Variants in DYNLT5 observed in about 807,000 individuals in gnomAD.
DYNLT5 encodes dynein light chain Tctex-type 5.
In DYNLT5, 25 loss-of-function variants were observed where a neutral mutation model predicts 19.3. That is an observed-to-expected ratio of 1.30 (90% confidence interval 0.95 to 1.81). The LOEUF is 1.81. DYNLT5 is among the 40% of genes most tolerant of loss of function. The pLI, the probability that DYNLT5 is intolerant of heterozygous loss-of-function variation, is 0.00. For synonymous variants in DYNLT5, 82 were observed against 68.9 expected (o/e 1.19, Z -0.94); for missense variants, 232 against 217.9 (o/e 1.06, Z -0.41).
intron 1 of DYNLT5, among the ~76,000 whole-genome samples, chr1:66,754,435 A>G (rs2094632459): frequency 6.6e-6 from 1 of 152,212 alleles, no homozygotes; most frequent in East Asian, 1.9e-4. Flanking sequence ...TATGTAAATA[A>G]TTATACTATT....
At chr1:66,765,425 G>T (rs755015525) in intron 2 of DYNLT5, among the ~76,000 whole-genome samples, 4 of 152,018 alleles carry the variant, frequency 2.6e-5, no homozygotes, top group Non-Finnish European at 5.9e-5. Flanking sequence ...AAAACGTATG[G>T]AAATGAGTTC....
chr1:66,775,924 GGTA>G (rs1182935087), intron 3 of DYNLT5, among the ~76,000 whole-genome samples: 1 of 152,082 alleles, frequency 6.6e-6, no homozygotes, highest in African/African-American at 2.4e-5. Context: ...TTTAAGATCT[GGTA>G]GATAGATTGG....
At chr1:66,769,706 G>A (rs934330206) in intron 2 of DYNLT5, among the ~76,000 whole-genome samples, 42 of 152,268 alleles carry the variant, frequency 2.8e-4, no homozygotes, top group African/African-American at 9.6e-4. Context: ...GTGCTGGAGA[G>A]ACAGTGGGGC....
At chr1:66,759,292 A>G (rs1299305798) in intron 2 of DYNLT5, among the ~76,000 whole-genome samples, 1 of 152,188 alleles carries the variant, frequency 6.6e-6, no homozygotes, top group Non-Finnish European at 1.5e-5. Flanking sequence ...GAAGACCAAA[A>G]TGTGGGAATC....
At chr1:66,755,922 TAA>T (rs1436631868) in intron 2 of DYNLT5, 2 of 152,240 alleles carry the variant, frequency 1.3e-5, no homozygotes, top group Non-Finnish European at 2.9e-5. Context: ...ACTATTTAAG[TAA>T]TAGTCTGACA....
At chr1:66,756,675 A>G (rs925917226) in intron 2 of DYNLT5, among the ~76,000 whole-genome samples, 3 of 152,354 alleles carry the variant, frequency 2.0e-5, no homozygotes, top group African/African-American at 4.8e-5. Context: ...TGAAATAACT[A>G]AAGTTTACAG....
chr1:66,754,642 G>A lies in DYNLT5; in HGVS notation c.-3-14G>A. 1.3e-6 allele frequency: 2 copies of A among 1,586,616 alleles called. No individual in the cohort carries two copies. The highest frequency in any genetic ancestry group is 1.7e-6 in the Non-Finnish European group (2 of 1,170,252). On this transcript the variant is annotated splice_polypyrimidine_tract_variant and intron_variant, in intron 1 of 4. Transcript: ENST00000282670. Reference sequence around the variant, plus strand: ...ATCTTTCTTTTGCTATTTTACAAAAGTCTTCTTCCATAGGTTATGATGATG... The same window carrying A: ...ATCTTTCTTTTGCTATTTTACAAAAATCTTCTTCCATAGGTTATGATGATG...
chr1:66,771,238 C>T (rs1645202845), intron 3 of DYNLT5, among the ~76,000 whole-genome samples: 1 of 152,234 alleles, frequency 6.6e-6, no homozygotes, highest in Non-Finnish European at 1.5e-5. Flanking sequence ...GTCCCCAAGA[C>T]TACATGGATT....
At chr1:66,757,942 C>CAAGAAAAAAAAA (rs1166282470) in intron 2 of DYNLT5, among the ~76,000 whole-genome samples, 70 of 152,304 alleles carry the variant, frequency 4.6e-4, no homozygotes, top group African/African-American at 1.6e-3. Context: ...TGAGTAGTTA[C>CAAGAAAAAAAAA]AATAGAAACC....
chr1:66,776,218 TG>T, intron 3 of DYNLT5, 60 bp from the exon 4 acceptor site: 1 of 1,577,546 alleles, frequency 6.3e-7, no homozygotes. Flanking sequence ...GATTAGCCTA[TG>T]GGGTGGGTGG....
At chr1:66,774,298 CA>C (rs533918406) in intron 3 of DYNLT5, among the ~76,000 whole-genome samples, 1 of 151,768 alleles carries the variant, frequency 6.6e-6, no homozygotes, top group Non-Finnish European at 1.5e-5. Context: ...ATAAAAATTC[CA>C]AAAAAAGACT....
At chr1:66,766,627 C>G (rs1195528690) in intron 2 of DYNLT5, among the ~76,000 whole-genome samples, 1 of 152,096 alleles carries the variant, frequency 6.6e-6, no homozygotes, top group Non-Finnish European at 1.5e-5. Context: ...TAAATATTTT[C>G]TCTTTTCCTT....
intron 2 of DYNLT5, among the ~76,000 whole-genome samples, chr1:66,765,359 G>A (rs879736710): frequency 4.6e-5 from 7 of 152,060 alleles, no homozygotes; most frequent in Admixed American, 6.6e-5. Context: ...CCAGTTATGC[G>A]TTCAATATTA....
chr1:66,752,607 C>T, intron 1 of DYNLT5, 23 bp downstream of exon 1: 1 of 984,822 alleles, frequency 1.0e-6, no homozygotes, highest in Non-Finnish European at 1.2e-6. Flanking sequence ...CTCTCTGCAG[C>T]GCGTCTGGAC....
At chr1:66,768,256 G>A (rs757354336) in intron 2 of DYNLT5, among the ~76,000 whole-genome samples, 3 of 152,218 alleles carry the variant, frequency 2.0e-5, no homozygotes, top group Non-Finnish European at 4.4e-5. Flanking sequence ...TATAATATGA[G>A]CCCATATGTA....
At chr1:66,761,976 A>G (rs1456101133) in intron 2 of DYNLT5, among the ~76,000 whole-genome samples, 1 of 152,092 alleles carries the variant, frequency 6.6e-6, no homozygotes, top group East Asian at 1.9e-4. Context: ...AGTGTATGTA[A>G]TATTCTAAAT....
At chr1:66,769,536 A>AACACACACCCACAC (rs1645190410) in intron 2 of DYNLT5, among the ~76,000 whole-genome samples, 1 of 138,032 alleles carries the variant, frequency 7.2e-6, no homozygotes, top group African/African-American at 2.8e-5. Flanking sequence ...CACACACACA[A>AACACACACCCACAC]ACACACACCC....
chr1:66,777,603 G>A lies in DYNLT5; in HGVS notation c.*149G>A, dbSNP rs1216062925. The A allele has an allele frequency of 4.8e-6, 3 of 621,770 alleles. No homozygotes were observed. The highest frequency in any genetic ancestry group is 5.6e-5 in the East Asian group (2 of 35,452). The allele number at this position is 621,770 out of a possible 1,614,324, so 38.5% of individuals were successfully genotyped here. ...AGCTTTTGAATTTTTTCATATTCTA[G>A]TAAAGATTTGGGGAGGGGAGGGTAG... On this transcript the variant is annotated 3_prime_UTR_variant, in exon 5 of 5. Transcript: ENST00000282670.
intron 2 of DYNLT5, among the ~76,000 whole-genome samples, chr1:66,763,529 C>T (rs978778776): frequency 6.6e-6 from 1 of 152,218 alleles, no homozygotes; most frequent in African/African-American, 2.4e-5. Context: ...ATTGTAGCCC[C>T]TTCATCAATG....
Sources: gnomAD v4.1 joint callset for allele counts (sites outside exome capture counted in the v4.1 genomes callset) on GRCh38, gnomAD v4.1.1 for gene constraint, MANE v1.5 for transcripts, NCBI Gene and HGNC (gene_info 2026-07-23, HGNC 2026-07-21) for gene names.